The following ELMO1 variants were observed in gnomAD, a reference collection of about 807,000 sequenced individuals.
ELMO1 encodes the protein engulfment and cell motility 1.
ELMO1 carries 26 observed loss-of-function variants against 98.9 expected under a neutral mutation model. The observed-to-expected ratio is 0.26, with a 90% confidence interval of 0.19 to 0.36. The LOEUF (loss-of-function observed/expected upper bound fraction) is 0.36. Ranked by LOEUF, ELMO1 falls within the 10% of genes least tolerant of loss-of-function variation. The pLI is 1.00. For synonymous variants in ELMO1, 346 were observed against 346.0 expected (o/e 1.00, Z 0.00); for missense variants, 627 against 935.2 (o/e 0.67, Z 4.30).
intron 1 of ELMO1, among the ~76,000 whole-genome samples, chr7:37,423,887 A>G (rs759079211): frequency 1.3e-5 from 2 of 152,186 alleles, no homozygotes; most frequent in Non-Finnish European, 2.9e-5. Context: ...CTAATCACTA[A>G]AACACCCATC....
intron 16 of ELMO1, among the ~76,000 whole-genome samples, chr7:36,931,519 T>C (rs1466591236): frequency 1.3e-5 from 2 of 152,206 alleles, no homozygotes; most frequent in Non-Finnish European, 2.9e-5. Flanking sequence ...GAGAATCTCT[T>C]GAACCCGGGA....
chr7:37,253,806 G>A (rs993829333), intron 6 of ELMO1, among the ~76,000 whole-genome samples: 2 of 151,628 alleles, frequency 1.3e-5, no homozygotes, highest in East Asian at 1.9e-4. Context: ...CTAAAAGTAA[G>A]GAGAAAAATT....
chr7:37,444,502 G>A (rs1805530698), intron 1 of ELMO1, among the ~76,000 whole-genome samples: 1 of 151,594 alleles, frequency 6.6e-6, no homozygotes, highest in African/African-American at 2.4e-5. Flanking sequence ...GCACTGGCAA[G>A]TTCTACAAAT....
intron 14 of ELMO1, among the ~76,000 whole-genome samples, chr7:37,125,122 T>C (rs909615177): frequency 1.7e-4 from 26 of 152,064 alleles, no homozygotes; most frequent in African/African-American, 6.3e-4. Flanking sequence ...TTACACCTTA[T>C]ACAAAAATTA....
chr7:37,276,325 T>G (rs1796830516), intron 4 of ELMO1, among the ~76,000 whole-genome samples: 1 of 152,104 alleles, frequency 6.6e-6, no homozygotes, highest in Non-Finnish European at 1.5e-5. Flanking sequence ...AAATAACACG[T>G]AGGCCGGGCA....
chr7:37,055,567 C>T (rs1430841734), intron 15 of ELMO1, among the ~76,000 whole-genome samples: 1 of 152,208 alleles, frequency 6.6e-6, no homozygotes, highest in Non-Finnish European at 1.5e-5. Flanking sequence ...GCAGGATCTG[C>T]CCCAATCAGC....
intron 1 of ELMO1, among the ~76,000 whole-genome samples, chr7:37,401,024 C>T (rs1441561989): frequency 6.6e-6 from 1 of 152,124 alleles, no homozygotes; most frequent in African/African-American, 2.4e-5. Flanking sequence ...TGAATGCTTT[C>T]ACCCTTAATT....
chr7:36,873,310 T>C (rs1405923749), intron 19 of ELMO1, among the ~76,000 whole-genome samples: 1 of 152,102 alleles, frequency 6.6e-6, no homozygotes, highest in Non-Finnish European at 1.5e-5. Context: ...GAATCTACAC[T>C]CTAAGGAGGC....
rs752193253 is a variant in ELMO1 at position 37,268,012 on chromosome 7, C to T, written c.243+3820G>A. Among the ~76,000 whole-genome samples the T allele has an allele frequency of 9.2e-5, 14 of 152,156 alleles. 1 individual carries two copies. Among genetic ancestry groups the T allele is most frequent in the Non-Finnish European group, 1.6e-4 (11 of 68,034 alleles). On this transcript the variant is annotated intron_variant, in intron 5 of 21. Transcript: ENST00000310758. ...TTGTGTTCTACTTAGAAGTTTCTCT[C>T]TACTTCAAGACTACAAATATAGTCA...
intron 14 of ELMO1, among the ~76,000 whole-genome samples, chr7:37,113,312 C>A (rs1416991160): frequency 6.6e-6 from 1 of 152,164 alleles, no homozygotes; most frequent in Non-Finnish European, 1.5e-5. Context: ...CACTGGGGTA[C>A]CGCAGTGACA....
intron 13 of ELMO1, among the ~76,000 whole-genome samples, chr7:37,154,492 C>T (rs899110462): frequency 2.6e-5 from 4 of 152,192 alleles, no homozygotes; most frequent in African/African-American, 9.6e-5. Flanking sequence ...GAGCTGAAAA[C>T]CACAGTACGA....
intron 7 of ELMO1, among the ~76,000 whole-genome samples, chr7:37,240,276 T>A (rs1794694247): frequency 6.6e-6 from 1 of 152,122 alleles, no homozygotes; most frequent in Non-Finnish European, 1.5e-5. Flanking sequence ...TGGGCTCAAG[T>A]GATCCACCTG....
intron 17 of ELMO1, 82 bp downstream of exon 17, chr7:36,894,772 C>A: frequency 6.4e-7 from 1 of 1,571,356 alleles, no homozygotes; most frequent in South Asian, 1.2e-5. Flanking sequence ...CACAACACAG[C>A]CCAGCTTCAT....
At chr7:36,871,059 C>G (rs1315970361) in intron 19 of ELMO1, among the ~76,000 whole-genome samples, 1 of 152,210 alleles carries the variant, frequency 6.6e-6, no homozygotes, top group East Asian at 1.9e-4. Flanking sequence ...GTTTTATTAT[C>G]CCTGTTTTAC....
At chr7:36,935,463 T>C (rs1468551636) in intron 16 of ELMO1, among the ~76,000 whole-genome samples, 1 of 152,208 alleles carries the variant, frequency 6.6e-6, no homozygotes, top group Non-Finnish European at 1.5e-5. Context: ...AGAGCAGCTC[T>C]GTTTTTTGTT....
At chr7:37,113,289 G>C (rs890056044) in intron 14 of ELMO1, among the ~76,000 whole-genome samples, 1 of 152,200 alleles carries the variant, frequency 6.6e-6, no homozygotes, top group African/African-American at 2.4e-5. Flanking sequence ...TGTGTGCCTG[G>C]CACTGCCCCG....
At chr7:37,059,507 G>A (rs1003490965) in intron 15 of ELMO1, among the ~76,000 whole-genome samples, 2 of 152,136 alleles carry the variant, frequency 1.3e-5, no homozygotes, top group South Asian at 2.1e-4. Flanking sequence ...AGCCATTTCT[G>A]TGTTTCACTG....
chr7:37,434,972 T>C (rs1805086029), intron 1 of ELMO1: 1 of 152,230 alleles, frequency 6.6e-6, no homozygotes, highest in Non-Finnish European at 1.5e-5. Flanking sequence ...TCCTCTAATG[T>C]ATAAGCAGCC....
chr7:36,895,775 G>A (rs1264362826), intron 16 of ELMO1, among the ~76,000 whole-genome samples: 1 of 152,192 alleles, frequency 6.6e-6, no homozygotes, highest in African/African-American at 2.4e-5. Flanking sequence ...AAAAAACACA[G>A]AAGCATCTCA....
Sources: gnomAD v4.1 joint callset for allele counts (sites outside exome capture counted in the v4.1 genomes callset) on GRCh38, gnomAD v4.1.1 for gene constraint, MANE v1.5 for transcripts, NCBI Gene and HGNC (gene_info 2026-07-23, HGNC 2026-07-21) for gene names.